TRHDE: variants seen among roughly 807,000 people sequenced by gnomAD.
TRHDE encodes the protein thyrotropin releasing hormone degrading enzyme, also known as thyrotropin-releasing hormone-degrading ectoenzyme.
In TRHDE, 72 loss-of-function variants were observed where a neutral mutation model predicts 125.7. The ratio of observed to expected loss-of-function variants is 0.57; its 90% CI spans 0.47 to 0.70. The LOEUF (loss-of-function observed/expected upper bound fraction) is 0.70. Among genes scored for constraint, TRHDE ranks in the 30% least tolerant of loss-of-function variants. The pLI is 0.00. For synonymous variants in TRHDE, 509 were observed against 509.1 expected (o/e 1.00, Z 0.00); for missense variants, 1,110 against 1,327.1 (o/e 0.84, Z 2.54).
chr12:72,273,563 G>C lies in TRHDE; in HGVS notation c.914+6G>C. On this transcript the variant is annotated splice_donor_region_variant and intron_variant, in intron 1 of 18. Transcript: ENST00000261180. This position sits in a 1 kb window ranked among gnomAD's most constrained non-coding sequence, Gnocchi z 5.3. ...GTGCTCCACGGGGAGAGAAGGTATG[G>C]AGGGAGGCGGTGCCCCGCGCTGCCC... is the stretch of plus-strand genomic sequence containing the variant. 1 of 1,578,026 alleles carries C rather than the reference G, an allele frequency of 6.3e-7. No homozygotes were observed. The highest frequency in any genetic ancestry group is 1.1e-5 in the South Asian group (1 of 89,822).
rs1880254366 is a variant in TRHDE at position 72,295,363 on chromosome 12, G to C, written c.1188+8409G>C. Among the ~76,000 whole-genome samples, 3 of 152,154 alleles carry C rather than the reference G, an allele frequency of 2.0e-5. No individual in the cohort carries two copies. The South Asian group carries it at 6.2e-4, about 32-fold the overall frequency. Reference sequence around the variant, plus strand: ...CCCTGATGCAGCCAGTGTGATGGCAGCAGCTGCTCCAGATGGCCCACTGCT... The same window carrying C: ...CCCTGATGCAGCCAGTGTGATGGCACCAGCTGCTCCAGATGGCCCACTGCT... On this transcript the variant is annotated intron_variant, in intron 2 of 18. Transcript: ENST00000261180.
chr12:72,411,564 A>G (rs1457365093), intron 3 of TRHDE, among the ~76,000 whole-genome samples: 1 of 152,154 alleles, frequency 6.6e-6, no homozygotes, highest in Non-Finnish European at 1.5e-5. Context: ...ATCTCAGTTG[A>G]GACAGAATTG....
intron 10 of TRHDE, among the ~76,000 whole-genome samples, chr12:72,570,318 T>C (rs2136021056): frequency 6.6e-6 from 1 of 152,190 alleles, no homozygotes. Flanking sequence ...CTGTGGCTCA[T>C]GCCTGTAATC....
chr12:72,550,441 AT>A (rs1869622084), intron 7 of TRHDE, among the ~76,000 whole-genome samples: 1 of 151,658 alleles, frequency 6.6e-6, no homozygotes, highest in South Asian at 2.1e-4. Flanking sequence ...TTTTCTTTTT[AT>A]TTTATGTTCT....
intron 2 of TRHDE, among the ~76,000 whole-genome samples, chr12:72,231,218 A>C (rs1878240296): frequency 1.3e-5 from 2 of 152,206 alleles, no homozygotes; most frequent in Non-Finnish European, 2.9e-5. Context: ...ACACAAAAGC[A>C]ACCAAAATAT....
intron 4 of TRHDE, 118 bp from the exon 5 acceptor site, chr12:72,472,949 A>T: frequency 1.2e-6 from 1 of 825,904 alleles, no homozygotes; most frequent in Non-Finnish European, 1.9e-6. Flanking sequence ...AGATCACAAA[A>T]TCAACTGGGG....
chr12:72,313,957 C>T (rs562669422), intron 2 of TRHDE, among the ~76,000 whole-genome samples: 5 of 152,192 alleles, frequency 3.3e-5, no homozygotes, highest in African/African-American at 9.6e-5. Context: ...GTGCAGCGTC[C>T]GTTTGCTTTG....
At chr12:72,644,692 C>G (rs1161774338) in intron 15 of TRHDE, among the ~76,000 whole-genome samples, 1 of 152,206 alleles carries the variant, frequency 6.6e-6, no homozygotes, top group African/African-American at 2.4e-5. Flanking sequence ...CTGCTCAGCA[C>G]AGAGCAAATA....
At chr12:72,170,898 A>G (rs1876858301) in intron 2 of TRHDE, among the ~76,000 whole-genome samples, 1 of 152,190 alleles carries the variant, frequency 6.6e-6, no homozygotes, top group African/African-American at 2.4e-5. Flanking sequence ...AACTTTTGAT[A>G]GTTGGAGACA....
At chr12:72,659,856 A>G (rs1369800117) in intron 18 of TRHDE, among the ~76,000 whole-genome samples, 1 of 152,178 alleles carries the variant, frequency 6.6e-6, no homozygotes, top group Non-Finnish European at 1.5e-5. Context: ...GTCCAGCCCT[A>G]CAGGACTTAG....
At chr12:72,305,914 T>A (rs1868334186) in intron 2 of TRHDE, among the ~76,000 whole-genome samples, 2 of 152,220 alleles carry the variant, frequency 1.3e-5, no homozygotes, top group African/African-American at 4.8e-5. Flanking sequence ...CTCTTGGTGT[T>A]CTACCTCTCT....
intron 2 of TRHDE, among the ~76,000 whole-genome samples, chr12:72,212,694 G>A (rs771282881): frequency 2.0e-5 from 3 of 152,052 alleles, no homozygotes; most frequent in Non-Finnish European, 4.4e-5. Context: ...ACAAGTGATG[G>A]CAAAAGTATG....
At chr12:72,568,494 C>T (rs1025055846) in intron 9 of TRHDE, 74 bp from the exon 10 acceptor site, 49 of 1,044,028 alleles carry the variant, frequency 4.7e-5, no homozygotes, top group Admixed American at 1.6e-4. Flanking sequence ...ACACAGAAGG[C>T]GCATGGGAAA....
At chr12:72,272,304 G>A (rs1879252096), upstream of TRHDE, 1 of 361,706 alleles carries the variant, frequency 2.8e-6, no homozygotes, top group Admixed American at 3.7e-5. The surrounding 1 kb of genome is among the most constrained non-coding windows in gnomAD (Gnocchi z 6.7). Flanking sequence ...GCAGGGGAGG[G>A]AGAGCCGGGA....
chr12:72,165,564 A>G (rs773136278), intron 2 of TRHDE, among the ~76,000 whole-genome samples: 127 of 152,016 alleles, frequency 8.4e-4, no homozygotes, highest in Non-Finnish European at 1.2e-3. Context: ...TACTATGATT[A>G]TTTTTCCAAT....
chr12:72,404,059 C>T (rs1485918716), intron 3 of TRHDE, among the ~76,000 whole-genome samples: 2 of 152,110 alleles, frequency 1.3e-5, no homozygotes, highest in African/African-American at 2.4e-5. Flanking sequence ...TATGAGTACT[C>T]AGTATGTTGT....
chr12:72,603,410 G>C (rs10879459), intron 12 of TRHDE, among the ~76,000 whole-genome samples: 1 of 151,944 alleles, frequency 6.6e-6, no homozygotes, highest in Admixed American at 6.6e-5. Context: ...GATATAGGCA[G>C]AGTAAACTTT....
At chr12:72,545,490 G>A (rs1300605404) in intron 7 of TRHDE, among the ~76,000 whole-genome samples, 2 of 151,620 alleles carry the variant, frequency 1.3e-5, no homozygotes, top group African/African-American at 4.8e-5. Context: ...TTACTAGTTA[G>A]ACAATTTGGG....
intron 2 of TRHDE, among the ~76,000 whole-genome samples, chr12:72,128,812 T>C (rs190095752): frequency 6.6e-6 from 1 of 152,210 alleles, no homozygotes; most frequent in Admixed American, 6.5e-5. Flanking sequence ...TAGCCTAATA[T>C]ACATGTAATT....
Sources: allele counts gnomAD v4.1 joint callset (sites outside exome capture counted in the v4.1 genomes callset), GRCh38; gene constraint gnomAD v4.1.1; non-coding constraint Gnocchi (gnomAD v3.1); transcripts MANE v1.5; gene names NCBI Gene and HGNC (gene_info 2026-07-23, HGNC 2026-07-21).